The following EFR3A variants were observed in gnomAD, a reference collection of about 807,000 sequenced individuals.
EFR3A encodes the protein EFR3 homolog A.
A neutral mutation model predicts 104.4 loss-of-function variants in EFR3A; 76 were observed. That is an observed-to-expected ratio of 0.73 (90% CI 0.60 to 0.88). The LOEUF is 0.88. Ranked by LOEUF, EFR3A falls within the 40% of genes least tolerant of loss-of-function variation. EFR3A has a pLI of 0.00. For synonymous variants in EFR3A, 330 were observed against 330.0 expected, an observed-to-expected ratio of 1.00 and a Z score of 0.00; for missense variants, 985 against 1,012.5, an observed-to-expected ratio of 0.97 and a Z score of 0.37.
At chr8:131,911,715 A>G (rs534564974) in intron 1 of EFR3A, among the ~76,000 whole-genome samples, 11 of 152,374 alleles carry the variant, frequency 7.2e-5, no homozygotes, top group African/African-American at 2.6e-4. Context: ...TAGGTTCAAC[A>G]AAGTATGGAC....
chr8:131,927,986 C>G (rs1342307553), intron 1 of EFR3A, among the ~76,000 whole-genome samples: 2 of 152,174 alleles, frequency 1.3e-5, no homozygotes, highest in East Asian at 3.8e-4. Flanking sequence ...GATAGTAATT[C>G]TGCAGCTATA....
chr8:132,003,447 T>C (rs1821889170), intron 22 of EFR3A, among the ~76,000 whole-genome samples, 162 bp downstream of exon 22: 1 of 152,204 alleles, frequency 6.6e-6, no homozygotes. Flanking sequence ...TGCTTAATAG[T>C]GATTCTGTTT....
In EFR3A at chr8:131,985,074, A is replaced by AAGGT. The variant is rs1491219566; in HGVS notation, c.1869+15_1869+16insGGTA. 5.6e-6 allele frequency: 9 copies of AAGGT among 1,599,318 alleles called. No homozygotes were observed. The highest frequency in any genetic ancestry group is 7.7e-6 in the Non-Finnish European group (9 of 1,171,384). On this transcript the variant is annotated intron_variant, in intron 16 of 22. Coordinates refer to ENST00000254624, the MANE Select transcript of EFR3A (RefSeq NM_015137.6). ...CATGTTAGCAAGGTAATGTATTTAG[A>AAGGT]AAAGTCCTTAAACTTGAATTTTGTA...
Position 131,904,238 on chromosome 8 carries a change from C to T in EFR3A, c.-75C>T, listed in dbSNP as rs887321729. On this transcript the variant is annotated 5_prime_UTR_variant, in exon 1 of 23. Transcript: ENST00000254624. ...CCGGCCTCCGCGGCCCAGCAACGGC[C>T]GTCATGGTGCCGTCGGCGCTCCCTG... 1.6e-6 allele frequency: 2 copies of T among 1,271,398 alleles called. No individual in the cohort carries two copies. The highest frequency in any genetic ancestry group is 2.0e-6 in the Non-Finnish European group (2 of 1,006,462). The allele number at this position is 1,271,398 out of a possible 1,614,324, so 78.8% of individuals were successfully genotyped here.
chr8:131,997,797 GTATT>G lies in EFR3A; in HGVS notation c.2157+1302_2157+1305del, dbSNP rs1461975325. Among the ~76,000 whole-genome samples the G allele has an allele frequency of 1.1e-4, 16 of 152,026 alleles. 1 individual carries two copies. Among genetic ancestry groups the G allele is most frequent in the African/African-American group, 3.9e-4 (16 of 41,518 alleles). ...AGGGGACACTATGTGTTATTGACTGGTATTTTCACCTTTCTCCTTTTGTTAACTA... is the reference window on the plus strand; with the variant it reads ...AGGGGACACTATGTGTTATTGACTGGTTCACCTTTCTCCTTTTGTTAACTA... On this transcript the variant is annotated intron_variant, in intron 19 of 22. Transcript: ENST00000254624.
chr8:131,941,149 G>C (rs558734921), intron 2 of EFR3A, among the ~76,000 whole-genome samples: 1 of 152,022 alleles, frequency 6.6e-6, no homozygotes, highest in Admixed American at 6.6e-5. Context: ...TTTTAGAAGA[G>C]AACTGAGAGG....
intron 1 of EFR3A, among the ~76,000 whole-genome samples, chr8:131,935,160 G>C (rs985377924): frequency 6.6e-6 from 1 of 152,116 alleles, no homozygotes; most frequent in African/African-American, 2.4e-5. Context: ...ATTGTCATCT[G>C]TTTGTTGGAA....
At position 131,984,138 on chromosome 8, in the gene EFR3A, G is replaced by T; in HGVS notation, c.1576-1G>T. The T allele has an allele frequency of 1.9e-6, 3 of 1,595,898 alleles. No individual in the cohort carries two copies. Among genetic ancestry groups the T allele is most frequent in the Non-Finnish European group, 2.6e-6 (3 of 1,173,432 alleles). ...CTTTGTCCTCTGTCTTTTCTCCTCA[G>T]AATGGGCAACAGCTGTATCGGCACA... is the stretch of plus-strand genomic sequence containing the variant. On this transcript the variant is annotated splice_acceptor_variant, in intron 14 of 22. Coordinates refer to ENST00000254624, the MANE Select transcript of EFR3A (RefSeq NM_015137.6). LOFTEE classifies it high-confidence loss of function.
At chr8:131,970,726 A>G in intron 10 of EFR3A, 83 bp downstream of exon 10, 3 of 1,305,100 alleles carry the variant, frequency 2.3e-6, no homozygotes, top group Non-Finnish European at 3.1e-6. Flanking sequence ...CTATTATAGT[A>G]CATTTGTCAA....
At position 131,996,450 on chromosome 8, in the gene EFR3A, T is replaced by G; in HGVS notation, c.2110T>G (p.Ser704Ala). Residue 704 changes from serine (S) to alanine (A), a missense_variant, in exon 19 of 23, where the codon TCC (serine) becomes GCC (alanine). By Grantham distance (99) the Ser-to-Ala change is moderately conservative. Coordinates refer to ENST00000254624, the MANE Select transcript of EFR3A (RefSeq NM_015137.6). ...AAGAAAAAGCATTGTGGACACCGTA[T>G]CCATTCAGGTGGATATTTTATCCAA... ...SRRKSIVDTV[S>A]IQVDILSNNV... 2 of 1,600,302 alleles carry G rather than the reference T, an allele frequency of 1.2e-6. No homozygotes were observed. Among genetic ancestry groups the G allele is most frequent in the Non-Finnish European group, 1.7e-6 (2 of 1,175,180 alleles).
In EFR3A at chr8:131,997,220, A is replaced by G. The variant is rs1156457472; in HGVS notation, c.2157+723A>G. Among the ~76,000 whole-genome samples the G allele has an allele frequency of 2.0e-5, 3 of 152,124 alleles. 1 individual carries two copies. The South Asian group carries it at 6.2e-4, about 32-fold the overall frequency. ...GCCAAAATGCCAGCATGTCAAGTCA[A>G]CCTCCACCTTGTGGTTTATCCATTG... On this transcript the variant is annotated intron_variant, in intron 19 of 22. Coordinates refer to ENST00000254624, the MANE Select transcript of EFR3A (RefSeq NM_015137.6).
chr8:131,986,145 C>A, intron 16 of EFR3A, 49 bp from the exon 17 acceptor site: 1 of 979,050 alleles, frequency 1.0e-6, no homozygotes, highest in Non-Finnish European at 1.6e-6. Flanking sequence ...TAGCAAGGTA[C>A]TGAGGGGTAG....
chr8:132,010,405 GAGATATATATATAT>G (rs1452366580), intron 22 of EFR3A, among the ~76,000 whole-genome samples: 1,131 of 87,994 alleles, frequency 0.013, 35 homozygotes, highest in African/African-American at 0.034. Context: ...AATCAAGTAT[GAGATATATATATAT>G]ATATATATAT....
chr8:131,937,821 G>A (rs1357376842), intron 1 of EFR3A, among the ~76,000 whole-genome samples: 1 of 150,764 alleles, frequency 6.6e-6, no homozygotes, highest in East Asian at 1.9e-4. Flanking sequence ...GAGGAAGTTG[G>A]GAAGAGGTCA....
chr8:131,948,522 A>G (rs1818547386), intron 4 of EFR3A, among the ~76,000 whole-genome samples: 1 of 152,112 alleles, frequency 6.6e-6, no homozygotes, highest in Non-Finnish European at 1.5e-5. Context: ...GTGCATTTAG[A>G]TGATGTGACA....
chr8:131,987,427 T>C (rs991946326), intron 17 of EFR3A, 148 bp from the exon 18 acceptor site: 2 of 911,424 alleles, frequency 2.2e-6, no homozygotes, highest in Non-Finnish European at 3.2e-6. Context: ...ATTAGTTGCC[T>C]AAAATATACT....
chr8:131,917,995 TA>T (rs1442591234), intron 1 of EFR3A, among the ~76,000 whole-genome samples: 1 of 152,102 alleles, frequency 6.6e-6, no homozygotes, highest in African/African-American at 2.4e-5. Context: ...TGTGATAAAT[TA>T]AAAGAATAGG....
chr8:131,986,267 T>C lies in EFR3A; in HGVS notation c.1937+6T>C. The C allele has an allele frequency of 6.6e-7, 1 of 1,503,820 alleles. No homozygotes were observed. The highest frequency in any genetic ancestry group is 9.2e-7 in the Non-Finnish European group (1 of 1,088,490). 93.2% of individuals were successfully genotyped at this position (1,503,820 alleles called of 1,614,324 possible). ...ATCTTCAGAGATAAGTGCATGTATG[T>C]TAATTCTTTACATTTTAAGGATGGG... On this transcript the variant is annotated splice_donor_region_variant and intron_variant, in intron 17 of 22. Transcript: ENST00000254624.
rs1222690524 is a variant in EFR3A, at chr8:131,955,895, C to G, written c.766C>G (p.Pro256Ala). Residue 256 changes from proline to alanine, a missense_variant, in exon 7 of 23, where the codon CCA becomes GCA. Physicochemically the swap from Pro to Ala is conservative, Grantham distance 27. Coordinates refer to ENST00000254624, the MANE Select transcript of EFR3A (RefSeq NM_015137.6). ...TGGGAATATGAATAATGCTGTTAGA[C>G]CAGTTTTTGCGTAAGTAGTTGGTGT... Reference protein sequence around the residue: ...TFGNMNNAVRPVFAHLDHHKL... With the variant: ...TFGNMNNAVRAVFAHLDHHKL... The G allele has an allele frequency of 6.2e-7, 1 of 1,612,306 alleles. No individual in the cohort carries two copies. Among genetic ancestry groups the G allele is most frequent in the Non-Finnish European group, 8.5e-7 (1 of 1,179,060 alleles).
Sources: allele counts gnomAD v4.1 joint callset (sites outside exome capture counted in the v4.1 genomes callset), GRCh38; gene constraint gnomAD v4.1.1; transcripts MANE v1.5; gene names NCBI Gene and HGNC (gene_info 2026-07-23, HGNC 2026-07-21).